DIS3: variants seen among roughly 807,000 people sequenced by gnomAD.
The protein encoded by DIS3 is exosome complex exonuclease RRP44.
DIS3 carries 103 observed loss-of-function variants against 113.0 expected under a neutral mutation model. That is an observed-to-expected ratio of 0.91 (90% CI 0.78 to 1.07). The LOEUF (loss-of-function observed/expected upper bound fraction) is 1.07, where lower values mean the gene tolerates loss of function less well. Among genes scored for constraint, DIS3 ranks in the 50% least tolerant of loss-of-function variants. The pLI, the probability that DIS3 is intolerant of heterozygous loss-of-function variation, is 0.00. For synonymous variants in DIS3, 402 were observed against 394.3 expected, an observed-to-expected ratio of 1.02 and a Z score of -0.23; for missense variants, 1,121 against 1,167.1, an observed-to-expected ratio of 0.96 and a Z score of 0.58.
At position 72,756,308 on chromosome 13, in the gene DIS3, A is replaced by G. The variant is rs1049055168; in HGVS notation, c.*3487T>C. On this transcript the variant is annotated 3_prime_UTR_variant, in exon 21 of 21. Transcript: ENST00000377767. ...CATCTTCAACACACTAACCATGAAC[A>G]CTAATAGCCATTAGGGGACATGGCT... is the stretch of plus-strand genomic sequence containing the variant. 3 of 177,318 alleles carry G rather than the reference A, an allele frequency of 1.7e-5. No homozygotes were observed. Among genetic ancestry groups the G allele is most frequent in the East Asian group, 1.5e-4 (1 of 6,892 alleles). 11.0% of individuals were successfully genotyped at this position (177,318 alleles called of 1,614,324 possible). A position where few individuals can be genotyped will look rare whatever the true frequency, so the allele number is the denominator to read the frequency against.
chr13:72,771,191 T>TC, intron 11 of DIS3, 46 bp from the exon 12 acceptor site: 1 of 1,442,994 alleles, frequency 6.9e-7, no homozygotes, highest in Non-Finnish European at 9.7e-7. Flanking sequence ...GCCATAACCA[T>TC]ACATTTATGT....
chr13:72,775,565 A>C (rs2033993953), intron 5 of DIS3, among the ~76,000 whole-genome samples, 190 bp from the exon 6 acceptor site: 1 of 152,166 alleles, frequency 6.6e-6, no homozygotes, highest in African/African-American at 2.4e-5. Context: ...CAGGTAGAAA[A>C]AATGTAAGTC....
At chr13:72,774,425 T>C (rs1279948966) in intron 6 of DIS3, among the ~76,000 whole-genome samples, 1 of 152,154 alleles carries the variant, frequency 6.6e-6, no homozygotes, top group Non-Finnish European at 1.5e-5. Flanking sequence ...TTGTACAAAT[T>C]AGCTATGTGG....
chr13:72,762,183 G>C (rs1203992277), intron 16 of DIS3, 46 bp from the exon 17 acceptor site: 1 of 1,490,224 alleles, frequency 6.7e-7, no homozygotes, highest in South Asian at 1.2e-5. Flanking sequence ...ACATTTCTAA[G>C]TCAGTACCAT....
Position 72,759,385 on chromosome 13 carries a change from T to C in DIS3, c.*410A>G, listed in dbSNP as rs2138143972. On this transcript the variant is annotated 3_prime_UTR_variant, in exon 21 of 21. Transcript: ENST00000377767. ...CAGCTTCCAAGACTTAGAAAAGAGA[T>C]TGTTCCTTGCTTCTAAAATTGTTCT... 2 of 220,314 alleles carry C rather than the reference T, an allele frequency of 9.1e-6. No individual in the cohort carries two copies. Among genetic ancestry groups the C allele is most frequent in the East Asian group, 1.3e-4 (2 of 14,848 alleles). The allele number at this position is 220,314 out of a possible 1,614,324, so 13.6% of individuals were successfully genotyped here. A position where few individuals can be genotyped will look rare whatever the true frequency, so the allele number is the denominator to read the frequency against.
chr13:72,777,311 C>T, intron 4 of DIS3, 109 bp downstream of exon 4: 1 of 1,006,456 alleles, frequency 9.9e-7, no homozygotes, highest in Non-Finnish European at 1.5e-6. Context: ...TATTCCAAAT[C>T]CAGCTTACCC....
chr13:72,778,409 G>C, intron 2 of DIS3, 29 bp from the exon 3 acceptor site: 1 of 1,517,734 alleles, frequency 6.6e-7, no homozygotes, highest in East Asian at 2.3e-5. Context: ...CGAAATAAAA[G>C]GAAATCAGTA....
intron 14 of DIS3, among the ~76,000 whole-genome samples, chr13:72,767,354 G>A (rs771030170): frequency 6.6e-6 from 1 of 151,726 alleles, no homozygotes; most frequent in African/African-American, 2.4e-5. Context: ...GCTTCAATTT[G>A]CATTTTATTT....
rs529517812 is a variant in DIS3 at position 72,757,588 on chromosome 13, G to T, written c.*2207C>A. Reference sequence around the variant, plus strand: ...TTACAGGCATCCGCCGTTACACCCAGCTAAGTTTTTGTATTTTTAGTAGAG... The same window carrying T: ...TTACAGGCATCCGCCGTTACACCCATCTAAGTTTTTGTATTTTTAGTAGAG... On this transcript the variant is annotated 3_prime_UTR_variant, in exon 21 of 21. Coordinates refer to ENST00000377767, the MANE Select transcript of DIS3 (RefSeq NM_014953.5). 1 of 161,792 alleles carries T rather than the reference G, an allele frequency of 6.2e-6. No homozygotes were observed. Among genetic ancestry groups the T allele is most frequent in the African/African-American group, 2.4e-5 (1 of 41,694 alleles). 10.0% of individuals were successfully genotyped at this position (161,792 alleles called of 1,614,324 possible).
At chr13:72,765,536 A>G (rs139405817) in intron 15 of DIS3, among the ~76,000 whole-genome samples, 17 of 152,270 alleles carry the variant, frequency 1.1e-4, no homozygotes, top group African/African-American at 4.1e-4. Flanking sequence ...TCCCTCCTAC[A>G]CACAGTTCAC....
rs1194051390 is a variant in DIS3 at position 72,759,717 on chromosome 13, A to G, written c.*78T>C. On this transcript the variant is annotated 3_prime_UTR_variant, in exon 21 of 21. Coordinates refer to ENST00000377767, the MANE Select transcript of DIS3 (RefSeq NM_014953.5). ...TTAAAAGTAACAAACTGTATCACAC[A>G]CTTAGGCTTAGAAGTGTTCTTTCAA... The G allele has an allele frequency of 1.8e-6, 2 of 1,114,252 alleles. No homozygotes were observed. Among genetic ancestry groups the G allele is most frequent in the African/African-American group, 1.6e-5 (1 of 63,598 alleles). 69.0% of individuals were successfully genotyped at this position (1,114,252 alleles called of 1,614,324 possible).
intron 15 of DIS3, among the ~76,000 whole-genome samples, chr13:72,765,174 A>G (rs1287530669): frequency 6.6e-6 from 1 of 152,178 alleles, no homozygotes. Flanking sequence ...ATCAATAAAC[A>G]ACAATAGCTA....
rs2033347187 is a variant in DIS3 at position 72,753,728 on chromosome 13, T to A, written c.*6067A>T. 1 of 1,613,528 alleles carries A rather than the reference T, an allele frequency of 6.2e-7. No individual in the cohort carries two copies. Among genetic ancestry groups the A allele is most frequent in the Non-Finnish European group, 8.5e-7 (1 of 1,179,724 alleles). ...ATAATACGCAGAATTGTGGAAGCAA[T>A]ATTATGGATACAGTTGGGGCAGAAA... On this transcript the variant is annotated 3_prime_UTR_variant, in exon 21 of 21. Transcript: ENST00000377767.
At chr13:72,781,180 C>G in intron 1 of DIS3, 177 bp from the exon 2 acceptor site, 2 of 1,420,308 alleles carry the variant, frequency 1.4e-6, no homozygotes, top group Non-Finnish European at 1.9e-6. Context: ...CCCTTCAGAT[C>G]TATTAAAAAA....
chr13:72,774,515 G>C (rs1278384764), intron 6 of DIS3, among the ~76,000 whole-genome samples: 2 of 152,032 alleles, frequency 1.3e-5, no homozygotes, highest in Non-Finnish European at 2.9e-5. Context: ...CCCAAATAAA[G>C]AGGGTCTGCT....
intron 1 of DIS3, chr13:72,781,304 C>T: frequency 6.4e-7 from 1 of 1,551,218 alleles, no homozygotes; most frequent in Non-Finnish European, 8.7e-7. Context: ...GCCTGGGAGT[C>T]GCAGGCTGGA....
At position 72,761,344 on chromosome 13, in the gene DIS3, A is replaced by G; in HGVS notation, c.2670+19T>C. 6.3e-7 allele frequency: 1 copy of G among 1,579,886 alleles called. No individual in the cohort carries two copies. Among genetic ancestry groups the G allele is most frequent in the Admixed American group, 2.1e-5 (1 of 48,552 alleles). ...AAAGTGCCCCCCGGAAAAGAAAACA[A>G]ACATGAGAAATACCGTACCTCATCA... On this transcript the variant is annotated intron_variant, in intron 19 of 20. Coordinates refer to ENST00000377767, the MANE Select transcript of DIS3 (RefSeq NM_014953.5).
chr13:72,752,424 A>G lies in DIS3; in HGVS notation c.*7371T>C, dbSNP rs2033301536. On this transcript the variant is annotated 3_prime_UTR_variant, in exon 21 of 21. Coordinates refer to ENST00000377767, the MANE Select transcript of DIS3 (RefSeq NM_014953.5). ...CACCATCTCAACTTGGCTCTCATCA[A>G]TCCTGCTCTTCCCATAGTGTGGGAC... is the stretch of plus-strand genomic sequence containing the variant. The G allele has an allele frequency of 6.6e-6, 1 of 152,214 alleles. No individual in the cohort carries two copies. The highest frequency in any genetic ancestry group is 2.4e-5 in the African/African-American group (1 of 41,444). 9.4% of individuals were successfully genotyped at this position (152,214 alleles called of 1,614,324 possible).
In DIS3 at chr13:72,777,459, G is replaced by C; in HGVS notation, c.615C>G (p.Pro205=). The C allele has an allele frequency of 6.2e-7, 1 of 1,614,040 alleles. No individual in the cohort carries two copies. Among genetic ancestry groups the C allele is most frequent in the Non-Finnish European group, 8.5e-7 (1 of 1,179,974 alleles). Residue 205 remains proline, a synonymous_variant, in exon 4 of 21, where the codon CCC becomes CCG. Coordinates refer to ENST00000377767, the MANE Select transcript of DIS3 (RefSeq NM_014953.5). ...AACAAGCAAGACGATCTATGAGTTC[G>C]GGGTTAGCAGTTAGGCTCTTTACAT... ...EEYVKSLTAN[P]ELIDRLACLS... is the part of the protein sequence containing the mutation.
Sources: allele counts gnomAD v4.1 joint callset (sites outside exome capture counted in the v4.1 genomes callset), GRCh38; gene constraint gnomAD v4.1.1; transcripts MANE v1.5; gene names NCBI Gene and HGNC (gene_info 2026-07-23, HGNC 2026-07-21).